The following MITF variants were observed in gnomAD, a reference collection of about 807,000 sequenced individuals.
MITF encodes microphthalmia-associated transcription factor.
MITF carries 17 observed loss-of-function variants against 60.5 expected under a neutral mutation model. The ratio of observed to expected loss-of-function variants is 0.28; its 90% CI spans 0.19 to 0.42. The LOEUF (loss-of-function observed/expected upper bound fraction) is 0.42, where lower values mean the gene tolerates loss of function less well. Among genes scored for constraint, MITF ranks in the 10% least tolerant of loss-of-function variants. The pLI is 1.00. For synonymous variants in MITF, 260 were observed against 248.5 expected (o/e 1.05, Z -0.43); for missense variants, 622 against 683.5 (o/e 0.91, Z 1.00).
In MITF at chr3:69,959,415, A is replaced by G. The variant is rs761251548; in HGVS notation, c.1174A>G (p.Ile392Val). The change falls in exon 9 of 10, where the codon ATA becomes GTA. Residue 392 changes from isoleucine to valine, a missense_variant. Coordinates refer to ENST00000352241, the MANE Select transcript of MITF (RefSeq NM_001354604.2). ...CGCCAACCGGCATTTGTTGCTCAGA[A>G]TACAGGTACGCAGCCTGAGTTGTGT... Reference protein sequence around the residue: ...EHANRHLLLRIQELEMQARAH... With the variant: ...EHANRHLLLRVQELEMQARAH... The G allele has an allele frequency of 1.2e-6, 2 of 1,613,960 alleles. No individual in the cohort carries two copies. The highest frequency in any genetic ancestry group is 1.1e-5 in the South Asian group (1 of 91,066).
chr3:69,786,085 T>C (rs150056720), intron 1 of MITF, among the ~76,000 whole-genome samples: 2 of 152,344 alleles, frequency 1.3e-5, no homozygotes, highest in East Asian at 3.9e-4. Context: ...ACTTCTTGAG[T>C]GCTTCCTGCG....
At chr3:69,926,837 T>C (rs2065602945) in intron 2 of MITF, among the ~76,000 whole-genome samples, 1 of 152,252 alleles carries the variant, frequency 6.6e-6, no homozygotes, top group South Asian at 2.1e-4. Flanking sequence ...CCTCTCCATC[T>C]GATCAAACAG....
chr3:69,960,163 C>T (rs907731755), intron 9 of MITF, among the ~76,000 whole-genome samples: 1 of 151,988 alleles, frequency 6.6e-6, no homozygotes, highest in Non-Finnish European at 1.5e-5. Context: ...CAAGAAGATG[C>T]CTTAGTATTT....
At chr3:69,887,583 GA>G (rs1191925967) in intron 2 of MITF, among the ~76,000 whole-genome samples, 2 of 152,044 alleles carry the variant, frequency 1.3e-5, no homozygotes, top group Non-Finnish European at 2.9e-5. Flanking sequence ...ATAACTTTAT[GA>G]AAAGGAAATG....
At chr3:69,757,545 G>A (rs1277252846) in intron 1 of MITF, among the ~76,000 whole-genome samples, 3 of 152,180 alleles carry the variant, frequency 2.0e-5, no homozygotes, top group Non-Finnish European at 4.4e-5. Flanking sequence ...GGTGGGATGA[G>A]CTTCCGAACT....
intron 1 of MITF, among the ~76,000 whole-genome samples, chr3:69,862,863 G>C (rs2064040830): frequency 6.6e-6 from 1 of 152,118 alleles, no homozygotes; most frequent in South Asian, 2.1e-4. Context: ...TGGAGTACTG[G>C]TGATGTTTTT....
chr3:69,765,620 A>G (rs1220679080), intron 1 of MITF, among the ~76,000 whole-genome samples: 2 of 152,348 alleles, frequency 1.3e-5, no homozygotes, highest in Middle Eastern at 3.4e-3. Flanking sequence ...ATGTGCTGGA[A>G]TATTTGCTGT....
rs374880864 is a variant in MITF, at chr3:69,783,430, T to C, written c.104+43729T>C. ...TCTGAATACAGAATACTTAGTCAAG[T>C]GTTTGTATGTGTGTGTGTGCACGTA... On this transcript the variant is annotated intron_variant, in intron 1 of 9. Coordinates refer to ENST00000352241, the MANE Select transcript of MITF (RefSeq NM_001354604.2). Among the ~76,000 whole-genome samples the C allele has an allele frequency of 4.6e-5, 7 of 151,678 alleles. No individual in the cohort carries two copies. The East Asian group carries it at 1.2e-3, about 25-fold the overall frequency.
intron 1 of MITF, among the ~76,000 whole-genome samples, chr3:69,813,626 A>G (rs2063135492): frequency 6.6e-6 from 1 of 152,170 alleles, no homozygotes; most frequent in African/African-American, 2.4e-5. Flanking sequence ...GCTTTTGTAT[A>G]TTTGAGATTT....
chr3:69,809,725 T>A lies in MITF; in HGVS notation c.105-69409T>A, dbSNP rs577187048. 6.6e-5 allele frequency among the ~76,000 whole-genome samples: 10 copies of A among 151,840 alleles called. No individual in the cohort carries two copies. In the South Asian group the frequency reaches 2.1e-3, roughly 32 times the overall value. The stretch of plus-strand genomic sequence containing the variant: ...TGTAAATGTTAGCCAAGTAATGAGA[T>A]GTTGTTGTTTGCTTCTTTTGTGGGC... On this transcript the variant is annotated intron_variant, in intron 1 of 9. Transcript: ENST00000352241.
intron 1 of MITF, among the ~76,000 whole-genome samples, chr3:69,836,198 A>T (rs151160983): frequency 6.6e-6 from 1 of 152,064 alleles, no homozygotes; most frequent in African/African-American, 2.4e-5. Flanking sequence ...CCTGATGGTT[A>T]TGTTTATTCC....
intron 2 of MITF, among the ~76,000 whole-genome samples, chr3:69,893,569 C>T (rs933726047): frequency 6.6e-6 from 1 of 152,108 alleles, no homozygotes; most frequent in Non-Finnish European, 1.5e-5. Context: ...AGCATTTCAA[C>T]CAGAGACACA....
At chr3:69,857,856 CCTT>C (rs2063946670) in intron 1 of MITF, among the ~76,000 whole-genome samples, 2 of 152,018 alleles carry the variant, frequency 1.3e-5, no homozygotes, top group Admixed American at 1.3e-4. Context: ...TTTGACTCTT[CCTT>C]CTTTTATTCA....
At chr3:69,801,681 A>G (rs1302190952) in intron 1 of MITF, among the ~76,000 whole-genome samples, 1 of 152,194 alleles carries the variant, frequency 6.6e-6, no homozygotes, top group East Asian at 1.9e-4. Flanking sequence ...GGCATACCAA[A>G]CTGTGATTAT....
At chr3:69,956,625 A>G in intron 8 of MITF, 95 bp downstream of exon 8, 2 of 989,528 alleles carry the variant, frequency 2.0e-6, no homozygotes, top group Non-Finnish European at 3.2e-6. Flanking sequence ...AAACTAAAGT[A>G]AAGAAGTCTC....
chr3:69,884,304 C>T (rs2064559629), intron 2 of MITF, among the ~76,000 whole-genome samples: 1 of 152,080 alleles, frequency 6.6e-6, no homozygotes, highest in Non-Finnish European at 1.5e-5. Flanking sequence ...CCATCAGTTG[C>T]CTTTTATAGG....
intron 1 of MITF, chr3:69,763,498 T>G: frequency 9.2e-7 from 1 of 1,091,226 alleles, no homozygotes; most frequent in Non-Finnish European, 1.1e-6. Flanking sequence ...CAATTACTGG[T>G]TTGCTAAAGA....
chr3:69,893,535 T>C (rs2064806646), intron 2 of MITF, among the ~76,000 whole-genome samples: 1 of 152,168 alleles, frequency 6.6e-6, no homozygotes, highest in East Asian at 1.9e-4. Flanking sequence ...GGCGCAATAC[T>C]TTTTAATGCT....
chr3:69,776,442 C>T (rs2062474018), intron 1 of MITF, among the ~76,000 whole-genome samples: 2 of 152,166 alleles, frequency 1.3e-5, no homozygotes, highest in Non-Finnish European at 2.9e-5. Context: ...GGGCTGGTTA[C>T]TTGACATTTG....
Sources: allele counts gnomAD v4.1 joint callset (sites outside exome capture counted in the v4.1 genomes callset), GRCh38; gene constraint gnomAD v4.1.1; transcripts MANE v1.5; gene names NCBI Gene and HGNC (gene_info 2026-07-23, HGNC 2026-07-21).